The following SLC6A2 variants were observed in gnomAD, a reference collection of about 807,000 sequenced individuals.
SLC6A2 encodes the protein sodium-dependent noradrenaline transporter.
A neutral mutation model predicts 71.7 loss-of-function variants in SLC6A2; 26 were observed. The observed-to-expected ratio is 0.36, with a 90% CI of 0.27 to 0.50. SLC6A2 has a LOEUF of 0.50. SLC6A2 is among the 20% of genes least tolerant of loss of function. The pLI, the probability that SLC6A2 is intolerant of heterozygous loss-of-function variation, is 0.96. For missense variants in SLC6A2, 581 were observed against 803.9 expected, an observed-to-expected ratio of 0.72 and a Z score of 3.35; for synonymous variants, 363 against 337.9, an observed-to-expected ratio of 1.07 and a Z score of -0.82.
chr16:55,671,844 G>A, intron 3 of SLC6A2, 94 bp from the exon 4 acceptor site: 2 of 1,586,084 alleles, frequency 1.3e-6, no homozygotes, highest in South Asian at 1.1e-5. Context: ...AGAGACAGAG[G>A]GAATGGGAGT....
chr16:55,691,304 C>T (rs149450562), intron 5 of SLC6A2, among the ~76,000 whole-genome samples: 48 of 134,810 alleles, frequency 3.6e-4, no homozygotes, highest in African/African-American at 1.4e-3. Flanking sequence ...AAATATCCTG[C>T]CAGTCAGATA....
chr16:55,676,204 C>G (rs1161959910), intron 4 of SLC6A2, among the ~76,000 whole-genome samples: 1 of 152,180 alleles, frequency 6.6e-6, no homozygotes, highest in Non-Finnish European at 1.5e-5. Context: ...CTGCAGCCCT[C>G]CCAGAGGATC....
At chr16:55,698,290 T>A (rs778415018) in intron 10 of SLC6A2, among the ~76,000 whole-genome samples, 179 bp from the exon 11 acceptor site, 1 of 152,144 alleles carries the variant, frequency 6.6e-6, no homozygotes, top group African/African-American at 2.4e-5. Context: ...TAACTCTTTA[T>A]TGGCTGAAAC....
chr16:55,671,153 G>A (rs892234421), intron 3 of SLC6A2, among the ~76,000 whole-genome samples: 76 of 152,332 alleles, frequency 5.0e-4, no homozygotes, highest in African/African-American at 1.8e-3. Flanking sequence ...AGTGCGGGAA[G>A]TGATCCTTAG....
At chr16:55,681,802 T>C (rs1214459158) in intron 4 of SLC6A2, among the ~76,000 whole-genome samples, 1 of 152,232 alleles carries the variant, frequency 6.6e-6, no homozygotes, top group Admixed American at 6.5e-5. Flanking sequence ...CCCCTGCAGG[T>C]GTGTACAATG....
intron 7 of SLC6A2, 113 bp from the exon 8 acceptor site, chr16:55,695,165 G>A: frequency 2.4e-6 from 3 of 1,251,484 alleles, no homozygotes; most frequent in Non-Finnish European, 3.5e-6. Context: ...CCACTGAAGG[G>A]GGGATGGCCT....
At chr16:55,683,201 G>C (rs1965333822) in intron 4 of SLC6A2, among the ~76,000 whole-genome samples, 1 of 152,184 alleles carries the variant, frequency 6.6e-6, no homozygotes, top group South Asian at 2.1e-4. Flanking sequence ...ACTTTGATTA[G>C]ATTCTCATTA....
intron 5 of SLC6A2, among the ~76,000 whole-genome samples, chr16:55,687,417 A>G (rs1249537952): frequency 6.6e-6 from 1 of 152,236 alleles, no homozygotes; most frequent in African/African-American, 2.4e-5. Flanking sequence ...AAGTGTCTCC[A>G]AAGACCATAG....
chr16:55,698,700 A>T (rs1965876585), intron 11 of SLC6A2, 132 bp downstream of exon 11: 2 of 726,012 alleles, frequency 2.8e-6, no homozygotes, highest in Non-Finnish European at 5.0e-6. Context: ...CTTATTGGGA[A>T]CAAATCTCAA....
intron 7 of SLC6A2, among the ~76,000 whole-genome samples, chr16:55,694,690 C>T (rs546990315): frequency 3.9e-5 from 6 of 152,252 alleles, no homozygotes; most frequent in South Asian, 2.1e-4. Context: ...TTCATACCAG[C>T]GGGACAGGCT....
intron 3 of SLC6A2, among the ~76,000 whole-genome samples, chr16:55,670,684 A>G (rs1279637557): frequency 3.9e-5 from 6 of 152,230 alleles, no homozygotes; most frequent in Admixed American, 3.9e-4. Flanking sequence ...AAATTTTACC[A>G]AAAGCAAACA....
At chr16:55,678,454 C>T (rs1361609861) in intron 4 of SLC6A2, among the ~76,000 whole-genome samples, 9 of 152,162 alleles carry the variant, frequency 5.9e-5, no homozygotes, top group Admixed American at 2.0e-4. Flanking sequence ...TTCTGCCAAC[C>T]TGCTGGCCAA....
At position 55,702,746 on chromosome 16, in the gene SLC6A2, C is replaced by CAAA; in HGVS notation, c.*400_*401insAAA. On this transcript the variant is annotated 3_prime_UTR_variant, in exon 15 of 15. Coordinates refer to ENST00000568943, the MANE Select transcript of SLC6A2 (RefSeq NM_001172501.3). Reference sequence around the variant, plus strand: ...ATGGGCTTTTGATCAGATACCCCTCCCAAAAAAAAAAAAAACTAAAACTAA... The same window carrying CAAA: ...ATGGGCTTTTGATCAGATACCCCTCCAAACAAAAAAAAAAAAAACTAAAACTAA... The CAAA allele has an allele frequency of 2.0e-5, 14 of 716,310 alleles. No homozygotes were observed. In the Admixed American group the frequency reaches 9.9e-4, roughly 51 times the overall value. 44.4% of individuals were successfully genotyped at this position (716,310 alleles called of 1,614,324 possible). A position where few individuals can be genotyped will look rare whatever the true frequency, so the allele number is the denominator to read the frequency against.
At chr16:55,699,833 T>C (rs552612745) in intron 12 of SLC6A2, among the ~76,000 whole-genome samples, 179 bp downstream of exon 12, 1 of 152,204 alleles carries the variant, frequency 6.6e-6, no homozygotes, top group South Asian at 2.1e-4. Context: ...TCCACCTTAC[T>C]AGGGGGTTCT....
At chr16:55,661,039 A>C (rs1459026153) in intron 2 of SLC6A2, among the ~76,000 whole-genome samples, 3 of 152,226 alleles carry the variant, frequency 2.0e-5, no homozygotes, top group African/African-American at 7.2e-5. Flanking sequence ...ACTCTCAGAA[A>C]TTCCGGAGCT....
At chr16:55,694,254 A>G (rs1597007000) in intron 7 of SLC6A2, 141 bp downstream of exon 7, 1 of 700,040 alleles carries the variant, frequency 1.4e-6, no homozygotes, top group East Asian at 2.7e-5. Context: ...TGGGCATTCT[A>G]TAAACTGCGA....
Position 55,697,913 on chromosome 16 carries a change from C to T in SLC6A2, c.1277C>T (p.Ala426Val). 6.2e-7 allele frequency: 1 copy of T among 1,614,106 alleles called. No individual in the cohort carries two copies. The change falls in exon 10 of 15, where the codon GCT becomes GTT. Residue 426 changes from alanine (A) to valine (V), a missense_variant. Transcript: ENST00000568943. ...GLDSSMGGME[A>V]VITGLADDFQ... Reference sequence around the variant, plus strand: ...TCCCTCCAGATGGGAGGCATGGAGGCTGTCATCACGGGCCTGGCAGATGAC... The same window carrying T: ...TCCCTCCAGATGGGAGGCATGGAGGTTGTCATCACGGGCCTGGCAGATGAC...
chr16:55,691,798 G>T, intron 5 of SLC6A2, 120 bp from the exon 6 acceptor site: 1 of 1,158,468 alleles, frequency 8.6e-7, no homozygotes, highest in Non-Finnish European at 1.3e-6. Context: ...CATGTGCTTT[G>T]GGTAAAGGAA....
In SLC6A2 at chr16:55,656,427, C is replaced by T; in HGVS notation, c.-51-217C>T. 1 of 559,980 alleles carries T rather than the reference C, an allele frequency of 1.8e-6. No homozygotes were observed. Among genetic ancestry groups the T allele is most frequent in the Non-Finnish European group, 3.2e-6 (1 of 311,778 alleles). 34.7% of individuals were successfully genotyped at this position (559,980 alleles called of 1,614,324 possible). On this transcript the variant is annotated intron_variant, in intron 1 of 14. Coordinates refer to ENST00000568943, the MANE Select transcript of SLC6A2 (RefSeq NM_001172501.3). The surrounding 1 kb of genome is among the most constrained non-coding windows in gnomAD (Gnocchi z 4.5). ...AAAAGTGCTGCAGGGTCTTCAGCCG[C>T]CCCCAGAGGGCTGTCAGAAGTCTCC...
Sources: gnomAD v4.1 joint callset for allele counts (sites outside exome capture counted in the v4.1 genomes callset) on GRCh38, gnomAD v4.1.1 for gene constraint, Gnocchi (gnomAD v3.1) non-coding constraint, MANE v1.5 for transcripts, NCBI Gene and HGNC (gene_info 2026-07-23, HGNC 2026-07-21) for gene names.